Variants in MAP7D1 observed in about 807,000 individuals in gnomAD.
The protein encoded by MAP7D1 is MAP7 domain-containing protein 1.
A neutral mutation model predicts 97.5 loss-of-function variants in MAP7D1; 30 were observed. The ratio of observed to expected loss-of-function variants is 0.31; its 90% confidence interval spans 0.23 to 0.42. The LOEUF (loss-of-function observed/expected upper bound fraction) is 0.42, where lower values mean the gene tolerates loss of function less well. MAP7D1 is among the 10% of genes least tolerant of loss of function. MAP7D1 has a pLI of 1.00. For missense variants in MAP7D1, 1,184 were observed against 1,179.5 expected, an observed-to-expected ratio of 1.00 and a Z score of -0.06; for synonymous variants, 536 against 477.1, an observed-to-expected ratio of 1.12 and a Z score of -1.61.
chr1:36,171,446 G>A, intron 2 of MAP7D1, 67 bp from the exon 3 acceptor site: 1 of 1,587,186 alleles, frequency 6.3e-7, no homozygotes, highest in South Asian at 1.1e-5. Flanking sequence ...CCGGAGGGAG[G>A]GATCTGAGGC....
In MAP7D1 at chr1:36,179,647, C is replaced by T. The variant is rs201190812; in HGVS notation, c.2228-19C>T. 4.4e-3 allele frequency: 6,786 copies of T among 1,537,784 alleles called. 38 individuals are homozygous for T. The highest frequency in any genetic ancestry group is 4.4e-3 in the Non-Finnish European group (5,041 of 1,138,804). ...CTCTTGCCAGCCCCTGGCTGATGGC[C>T]CCTCTTTCCCTGTGACAGAGCCTGT... On this transcript the variant is annotated intron_variant, in intron 14 of 16. Coordinates refer to ENST00000474796, the MANE Select transcript of MAP7D1 (RefSeq NM_001388490.1).
chr1:36,170,289 G>C (rs1196881712), intron 1 of MAP7D1, among the ~76,000 whole-genome samples: 1 of 152,180 alleles, frequency 6.6e-6, no homozygotes, highest in Non-Finnish European at 1.5e-5. Context: ...ATTTCGGTGT[G>C]GCTTGGGGAA....
chr1:36,156,570 C>A, intron 1 of MAP7D1, 107 bp downstream of exon 1: 1 of 882,334 alleles, frequency 1.1e-6, no homozygotes, highest in South Asian at 2.7e-5. Context: ...CTGCCGCGCC[C>A]TCTGACCACT....
At chr1:36,175,826 G>A (rs1012426503) in intron 6 of MAP7D1, among the ~76,000 whole-genome samples, 1 of 152,222 alleles carries the variant, frequency 6.6e-6, no homozygotes, top group Non-Finnish European at 1.5e-5. Flanking sequence ...CCTCGGCTGG[G>A]TCAGCCCTCT....
chr1:36,172,465 G>T lies in MAP7D1; in HGVS notation c.462G>T (p.Ala154=). The T allele has an allele frequency of 6.4e-7, 1 of 1,571,630 alleles. No individual in the cohort carries two copies. The highest frequency in any genetic ancestry group is 1.1e-5 in the South Asian group (1 of 88,412). ...GCCACTGGGCTCCTTTGTCCACAGC[G>T]GCCAAGAAGGCAGTGTGGCTGGAGA... is the stretch of plus-strand genomic sequence containing the variant. The part of the protein sequence containing the change: ...ERREERAKYL[A]AKKAVWLEKE... Residue 154 remains alanine, a splice_region_variant and synonymous_variant, in exon 4 of 17, where the codon GCG becomes GCT. Coordinates refer to ENST00000474796, the MANE Select transcript of MAP7D1 (RefSeq NM_001388490.1).
intron 1 of MAP7D1, among the ~76,000 whole-genome samples, chr1:36,162,578 A>AGT (rs1447207170): frequency 6.6e-6 from 1 of 152,228 alleles, no homozygotes; most frequent in Non-Finnish European, 1.5e-5. Context: ...CACCTGTGAA[A>AGT]TGGGGGCCAT....
chr1:36,156,433 C>A lies in MAP7D1; in HGVS notation c.16C>A (p.Arg6Ser). 6.8e-7 allele frequency: 1 copy of A among 1,478,818 alleles called. No homozygotes were observed. The highest frequency in any genetic ancestry group is 1.3e-5 in the South Asian group (1 of 78,392). The allele number at this position is 1,478,818 out of a possible 1,614,324, so 91.6% of individuals were successfully genotyped here. ...CGCCGCAGCCATGGAGAGCGGCCCGCGTGCGGAGCTGGGGGCGGGCGCACC... is the reference window on the plus strand; with the variant it reads ...CGCCGCAGCCATGGAGAGCGGCCCGAGTGCGGAGCTGGGGGCGGGCGCACC... MESGP[R>S]AELGAGAPPA... The change falls in exon 1 of 17, where the codon CGT becomes AGT. Residue 6 changes from arginine (R) to serine (S), a missense_variant. Arg to Ser is a moderately radical substitution (Grantham distance 110, BLOSUM62 -1). Transcript: ENST00000474796.
chr1:36,170,928 A>G, intron 1 of MAP7D1, 43 bp from the exon 2 acceptor site: 1 of 775,156 alleles, frequency 1.3e-6, no homozygotes, highest in Non-Finnish European at 2.2e-6. Context: ...GATGGCACAG[A>G]TGAGCAATCT....
chr1:36,173,957 T>C (rs1414981883), intron 5 of MAP7D1, among the ~76,000 whole-genome samples: 2 of 152,158 alleles, frequency 1.3e-5, no homozygotes, highest in African/African-American at 2.4e-5. Context: ...TTTCTAGCTG[T>C]GTATCTTCTG....
At position 36,179,549 on chromosome 1, in the gene MAP7D1, C is replaced by G. The variant is rs1271274623; in HGVS notation, c.2219C>G (p.Ser740Cys). ...QDSKEANANGSSPEPVKAVEA... is the reference protein window; with the variant it reads ...QDSKEANANGCSPEPVKAVEA... ...AGCAAGGAGGCCAACGCCAACGGTT[C>G]CAGCCCAGGTAAAGCCCCCATTCCT... Residue 740 changes from serine to cysteine, a missense_variant, in exon 14 of 17, where the codon TCC (serine) becomes TGC (cysteine). By Grantham distance (112) the Ser-to-Cys change is moderately radical (BLOSUM62 -1). Transcript: ENST00000474796. 1.3e-6 allele frequency: 2 copies of G among 1,571,184 alleles called. No homozygotes were observed. The highest frequency in any genetic ancestry group is 1.2e-5 in the South Asian group (1 of 85,980).
rs1644327582 is a variant in MAP7D1, at chr1:36,156,328, G to A, written c.-90G>A. 2.6e-6 allele frequency: 3 copies of A among 1,165,562 alleles called. No homozygotes were observed. The highest frequency in any genetic ancestry group is 1.7e-5 in the South Asian group (1 of 58,840). 72.2% of individuals were successfully genotyped at this position (1,165,562 alleles called of 1,614,324 possible). On this transcript the variant is annotated 5_prime_UTR_variant, in exon 1 of 17. Coordinates refer to ENST00000474796, the MANE Select transcript of MAP7D1 (RefSeq NM_001388490.1). ...CTACTTGCCGGGCCGGGCCGGGCCG[G>A]GCGTGATGCGCCGCGGGACCCCTGT...
Position 36,179,290 on chromosome 1 carries a change from G to A in MAP7D1, c.2159G>A (p.Arg720Gln). 6.2e-7 allele frequency: 1 copy of A among 1,614,050 alleles called. No individual in the cohort carries two copies. Among genetic ancestry groups the A allele is most frequent in the Non-Finnish European group, 8.5e-7 (1 of 1,179,982 alleles). The change falls in exon 13 of 17, where the codon CGG (arginine) becomes CAG (glutamine). Residue 720 changes from arginine to glutamine, a missense_variant. By Grantham distance (43) the Arg-to-Gln change is conservative. Transcript: ENST00000474796. ...KRLEEIMKRT[R>Q]KSEVSETKKQ... ...CTGGAGGAGATCATGAAGAGGACTCGGAAGTCAGAAGTTTCTGAAACCAAG... is the reference window on the plus strand; with the variant it reads ...CTGGAGGAGATCATGAAGAGGACTCAGAAGTCAGAAGTTTCTGAAACCAAG...
At chr1:36,164,029 G>A (rs1177351787) in intron 1 of MAP7D1, among the ~76,000 whole-genome samples, 1 of 151,796 alleles carries the variant, frequency 6.6e-6, no homozygotes, top group African/African-American at 2.4e-5. Flanking sequence ...TTTGCCATTT[G>A]CCCAGGCTGC....
rs1159999532 is a variant in MAP7D1 at position 36,176,439 on chromosome 1, C to T, written c.1091C>T (p.Ser364Leu). ...GCAGCCGTGCCGGTGTGCCCGCGCT[C>T]GGCCTCCGCCAGCCCCCTGACGCCG... is the stretch of plus-strand genomic sequence containing the variant. ...PSAAVPVCPR[S>L]ASASPLTPCS... Residue 364 changes from serine (S) to leucine (L), a missense_variant, in exon 7 of 17, where the codon TCG (serine) becomes TTG (leucine). Coordinates refer to ENST00000474796, the MANE Select transcript of MAP7D1 (RefSeq NM_001388490.1). This position sits in a 1 kb window ranked among gnomAD's most constrained non-coding sequence, Gnocchi z 6.1. 2 of 1,516,754 alleles carry T rather than the reference C, an allele frequency of 1.3e-6. No individual in the cohort carries two copies. Among genetic ancestry groups the T allele is most frequent in the East Asian group, 2.7e-5 (1 of 37,118 alleles). The allele number at this position is 1,516,754 out of a possible 1,614,324, so 94.0% of individuals were successfully genotyped here.
chr1:36,157,599 G>T (rs1644354728), intron 1 of MAP7D1, among the ~76,000 whole-genome samples: 1 of 152,180 alleles, frequency 6.6e-6, no homozygotes. Context: ...CCCAAGTTCT[G>T]TTCCCATTGA....
intron 6 of MAP7D1, among the ~76,000 whole-genome samples, 162 bp downstream of exon 6, chr1:36,175,170 G>A (rs1323023563): frequency 6.6e-6 from 1 of 152,080 alleles, no homozygotes; most frequent in Non-Finnish European, 1.5e-5. Context: ...CGGGGGAGCC[G>A]GCATATGGGT....
rs1057212075 is a variant in MAP7D1 at position 36,179,848 on chromosome 1, C to G, written c.2319-26C>G. 6.3e-6 allele frequency: 10 copies of G among 1,596,196 alleles called. No homozygotes were observed. The African/African-American group carries it at 1.1e-4, about 17-fold the overall frequency. ...CTGGGCTTTCCTGGGAGGTGAGGTG[C>G]TGAGCCTTGGCCTCTGCATCCACAG... On this transcript the variant is annotated intron_variant, in intron 15 of 16. Transcript: ENST00000474796.
At chr1:36,179,128 A>G in intron 12 of MAP7D1, 103 bp downstream of exon 12, 1 of 1,485,072 alleles carries the variant, frequency 6.7e-7, no homozygotes, top group Non-Finnish European at 9.2e-7. Flanking sequence ...GCGCTGGGGC[A>G]AATTCCAGTT....
Position 36,176,593 on chromosome 1 carries a change from T to C in MAP7D1, c.1233+12T>C. 1 of 1,535,906 alleles carries C rather than the reference T, an allele frequency of 6.5e-7. No individual in the cohort carries two copies. Among genetic ancestry groups the C allele is most frequent in the African/African-American group, 1.4e-5 (1 of 72,960 alleles). On this transcript the variant is annotated intron_variant, in intron 7 of 16. Transcript: ENST00000474796. This position sits in a 1 kb window ranked among gnomAD's most constrained non-coding sequence, Gnocchi z 6.1. ...CGGAGGCCTCGCCGGTGAGTGGCTC[T>C]ACTGGCTCGAGTGGCCGCGCAGGTG...
Sources: allele counts gnomAD v4.1 joint callset (sites outside exome capture counted in the v4.1 genomes callset), GRCh38; gene constraint gnomAD v4.1.1; non-coding constraint Gnocchi (gnomAD v3.1); transcripts MANE v1.5; gene names NCBI Gene and HGNC (gene_info 2026-07-23, HGNC 2026-07-21).